Variants in FTSJ3 observed in about 807,000 individuals in gnomAD.
FTSJ3 encodes FtsJ RNA 2'-O-methyltransferase 3.
FTSJ3 carries 46 observed loss-of-function variants against 111.5 expected under a neutral mutation model. The observed-to-expected ratio is 0.41, with a 90% CI of 0.33 to 0.53. The LOEUF (loss-of-function observed/expected upper bound fraction) is 0.53. Among genes scored for constraint, FTSJ3 ranks in the 20% least tolerant of loss-of-function variants. The probability of loss-of-function intolerance (pLI) is 0.19; values close to 1 mark genes in which losing one functional copy is unlikely to be tolerated. For synonymous variants in FTSJ3, 408 were observed against 383.0 expected, an observed-to-expected ratio of 1.07 and a Z score of -0.76; for missense variants, 1,075 against 1,063.8, an observed-to-expected ratio of 1.01 and a Z score of -0.15.
rs776540592 is a variant in FTSJ3 at position 63,821,726 on chromosome 17, T to C, written c.1593A>G (p.Ser531=). 2 of 1,614,204 alleles carry C rather than the reference T, an allele frequency of 1.2e-6. No individual in the cohort carries two copies. The highest frequency in any genetic ancestry group is 1.7e-6 in the Non-Finnish European group (2 of 1,180,026). Residue 531 remains serine, a synonymous_variant, in exon 15 of 21, where the codon TCA becomes TCG. Coordinates refer to ENST00000427159, the MANE Select transcript of FTSJ3 (RefSeq NM_017647.4). ...LQEEQANLWF[S]KGSFAGIEDD... is the part of the protein sequence containing the mutation. Reference sequence around the variant, plus strand: ...CTTGCCCCCGGCCTCTCCTTACCTTTGAGAACCACAGGTTGGCTTGTTCTT... The same window carrying C: ...CTTGCCCCCGGCCTCTCCTTACCTTCGAGAACCACAGGTTGGCTTGTTCTT...
rs2040053621 is a variant in FTSJ3, at chr17:63,821,704, G to A, written c.1596+19C>T. 1 of 1,614,160 alleles carries A rather than the reference G, an allele frequency of 6.2e-7. No individual in the cohort carries two copies. Among genetic ancestry groups the A allele is most frequent in the South Asian group, 1.1e-5 (1 of 91,072 alleles). ...GGAAGACTCATCTCCCCGCAGTCTT[G>A]CCCCCGGCCTCTCCTTACCTTTGAG... On this transcript the variant is annotated intron_variant, in intron 15 of 20. Transcript: ENST00000427159.
chr17:63,826,883 A>C lies in FTSJ3; in HGVS notation c.20T>G (p.Val7Gly), dbSNP rs747198647. ...AAACTTGTCTCGTCGGCTCTTGCCA[A>C]CTTTGCCCTTCTTGCCCATGGTGGA... MGKKGK[V>G]GKSRRDKFYH... Residue 7 changes from valine to glycine, a missense_variant, in exon 2 of 21, where the codon GTT becomes GGT. Physicochemically the swap from Val to Gly is moderately radical, Grantham distance 109. Coordinates refer to ENST00000427159, the MANE Select transcript of FTSJ3 (RefSeq NM_017647.4). The C allele has an allele frequency of 1.2e-6, 2 of 1,614,122 alleles. No homozygotes were observed. Among genetic ancestry groups the C allele is most frequent in the Admixed American group, 3.3e-5 (2 of 60,026 alleles).
intron 3 of FTSJ3, 110 bp from the exon 4 acceptor site, chr17:63,826,414 C>T (rs2040104788): frequency 1.7e-6 from 2 of 1,209,500 alleles, no homozygotes; most frequent in Admixed American, 1.7e-5. Flanking sequence ...ATCATAGGCA[C>T]GTATTCCAAG....
intron 11 of FTSJ3, 26 bp downstream of exon 11, chr17:63,824,305 C>G: frequency 6.2e-7 from 1 of 1,614,130 alleles, no homozygotes; most frequent in East Asian, 2.2e-5. Context: ...CCAGTCCACA[C>G]CTGCCTCGCT....
In FTSJ3 at chr17:63,826,711, T is replaced by A. The variant is rs376984081; in HGVS notation, c.68-39A>T. 5 of 1,578,324 alleles carry A rather than the reference T, an allele frequency of 3.2e-6. No homozygotes were observed. The African/African-American group carries it at 6.7e-5, about 21-fold the overall frequency. On this transcript the variant is annotated intron_variant, in intron 2 of 20. Transcript: ENST00000427159. ...CCAAGTGCGCAAACTGCTTCACTAG[T>A]AGGATTTCTCCGGCCTCGCAACCGA... is the stretch of plus-strand genomic sequence containing the variant.
Position 63,827,466 on chromosome 17 carries a change from C to T in FTSJ3, c.-441G>A, listed in dbSNP as rs971779622. ...TTGCGCGCCAAGACGGCTCGGATGC[C>T]GGCGGTCTCTGCTGAAGAGAGAAGA... On this transcript the variant is annotated 5_prime_UTR_variant, in exon 1 of 21. Transcript: ENST00000427159. 1.3e-5 allele frequency: 20 copies of T among 1,551,712 alleles called. No individual in the cohort carries two copies. The highest frequency in any genetic ancestry group is 2.4e-5 in the South Asian group (2 of 84,060).
At position 63,827,609 on chromosome 17, in the gene FTSJ3, G is replaced by A; in HGVS notation, c.-584C>T. 8.4e-6 allele frequency: 13 copies of A among 1,549,330 alleles called. No homozygotes were observed. Among genetic ancestry groups the A allele is most frequent in the Non-Finnish European group, 1.0e-5 (12 of 1,146,022 alleles). ...GAGCGGGCCGGGGCAGGAGCGTCGG[G>A]TGGGTCGGAGGTGCCTGGACCAGTC... On this transcript the variant is annotated 5_prime_UTR_variant, in exon 1 of 21. Coordinates refer to ENST00000427159, the MANE Select transcript of FTSJ3 (RefSeq NM_017647.4).
rs748135016 is a variant in FTSJ3 at position 63,820,405 on chromosome 17, C to T, written c.2106G>A (p.Pro702=). ...YTFNEDEGEL[P]EWFVQEEKQH... ...GCTTTTCCTCTTGCACAAACCACTC[C>T]GGAAGCTCCCCCTCATCCTCATTAA... The change falls in exon 19 of 21, where the codon CCG becomes CCA. Residue 702 remains proline (P), a synonymous_variant. Transcript: ENST00000427159. The T allele has an allele frequency of 2.5e-6, 4 of 1,614,006 alleles. No homozygotes were observed. The highest frequency in any genetic ancestry group is 2.2e-5 in the East Asian group (1 of 44,884).
In FTSJ3 at chr17:63,820,397, A is replaced by G. The variant is rs1184871415; in HGVS notation, c.2114T>C (p.Phe705Ser). ...NEDEGELPEW[F>S]VQEEKQHRIR... Reference sequence around the variant, plus strand: ...CCGGTGCTGCTTTTCCTCTTGCACAAACCACTCCGGAAGCTCCCCCTCATC... The same window carrying G: ...CCGGTGCTGCTTTTCCTCTTGCACAGACCACTCCGGAAGCTCCCCCTCATC... The change falls in exon 19 of 21, where the codon TTT becomes TCT. Residue 705 changes from phenylalanine (F) to serine (S), a missense_variant. Around this residue, in one of 2 missense-constraint regions of FTSJ3, gnomAD observed 867 missense variants for 796.9 expected, o/e 1.09. Coordinates refer to ENST00000427159, the MANE Select transcript of FTSJ3 (RefSeq NM_017647.4). 5 of 1,613,962 alleles carry G rather than the reference A, an allele frequency of 3.1e-6. No homozygotes were observed. Among genetic ancestry groups the G allele is most frequent in the Admixed American group, 3.3e-5 (2 of 59,972 alleles).
chr17:63,820,127 A>C lies in FTSJ3; in HGVS notation c.2303T>G (p.Val768Gly), dbSNP rs755085080. ...EQTRKKAEAV[V>G]NTVDISEREK... ...TCGTTCTGAGATGTCCACTGTGTTC[A>C]CCACGGCTTCTGCCTTCTTCCTGGT... The change falls in exon 20 of 21, where the codon GTG (valine) becomes GGG (glycine). Residue 768 changes from valine (V) to glycine (G), a missense_variant. Val to Gly is a moderately radical substitution (Grantham distance 109, BLOSUM62 -3). Around this residue, in one of 2 missense-constraint regions of FTSJ3, gnomAD observed 867 missense variants for 796.9 expected, o/e 1.09. Transcript: ENST00000427159. The C allele has an allele frequency of 6.2e-7, 1 of 1,613,940 alleles. No homozygotes were observed. Among genetic ancestry groups the C allele is most frequent in the Admixed American group, 1.7e-5 (1 of 60,000 alleles).
At position 63,821,019 on chromosome 17, in the gene FTSJ3, A is replaced by G. The variant is rs778150298; in HGVS notation, c.1972+11T>C. ...GGTCTTTTCTCATTCCACTGCATAC[A>G]GAGCTCTCACCTGGGTCCTCAATAG... On this transcript the variant is annotated intron_variant, in intron 17 of 20. Coordinates refer to ENST00000427159, the MANE Select transcript of FTSJ3 (RefSeq NM_017647.4). 1 of 1,613,622 alleles carries G rather than the reference A, an allele frequency of 6.2e-7. No individual in the cohort carries two copies. Among genetic ancestry groups the G allele is most frequent in the South Asian group, 1.1e-5 (1 of 91,076 alleles).
intron 7 of FTSJ3, 38 bp downstream of exon 7, chr17:63,825,204 T>C (rs1449562543): frequency 1.2e-6 from 2 of 1,613,400 alleles, no homozygotes; most frequent in Non-Finnish European, 1.7e-6. Flanking sequence ...GCTTTGGGAG[T>C]TGGGAGCCTG....
chr17:63,821,600 TCCAGGGCCTCATCGGCATCGTCCTCGATC>T lies in FTSJ3; in HGVS notation c.1611_1639del (p.Ile538AspfsTer9). The T allele has an allele frequency of 6.2e-7, 1 of 1,613,756 alleles. No individual in the cohort carries two copies. The highest frequency in any genetic ancestry group is 8.5e-7 in the Non-Finnish European group (1 of 1,179,694). ...AAATAACAGCTGGGCCTGACTGATC[TCCAGGGCCTCATCGGCATCGTCCTCGATC>T]CCAGCAAAGCTGCCCTGTGATAGGA... On this transcript the variant is annotated frameshift_variant, in exon 16 of 21. Coordinates refer to ENST00000427159, the MANE Select transcript of FTSJ3 (RefSeq NM_017647.4). LOFTEE classifies it high-confidence loss of function.
chr17:63,823,324 G>A (rs1482780830), intron 13 of FTSJ3, among the ~76,000 whole-genome samples: 1 of 152,146 alleles, frequency 6.6e-6, no homozygotes, highest in Non-Finnish European at 1.5e-5. Flanking sequence ...AGCCGGGCGC[G>A]GTGGCTCACG....
At position 63,820,259 on chromosome 17, in the gene FTSJ3, C is replaced by T. The variant is rs1431923655; in HGVS notation, c.2252G>A (p.Arg751Lys). 1.2e-6 allele frequency: 2 copies of T among 1,612,600 alleles called. No individual in the cohort carries two copies. Among genetic ancestry groups the T allele is most frequent in the Non-Finnish European group, 1.7e-6 (2 of 1,179,556 alleles). ...KVAEAKARKK[R>K]RMLKRLEQTR... The stretch of plus-strand genomic sequence containing the variant: ...TCTGGAGGCCCCATCACTTACCCTC[C>T]TTTTCTTTCTAGCCTTAGCCTCAGC... The change falls in exon 19 of 21, where the codon AGG (arginine) becomes AAG (lysine). Residue 751 changes from arginine to lysine, a missense_variant. Physicochemically the swap from Arg to Lys is conservative, Grantham distance 26 (BLOSUM62 2). Transcript: ENST00000427159.
chr17:63,825,803 TAC>T (rs1690416942), intron 5 of FTSJ3, 168 bp from the exon 6 acceptor site: 1 of 651,758 alleles, frequency 1.5e-6, no homozygotes, highest in South Asian at 1.9e-5. Context: ...TCATGGAGAT[TAC>T]AGTCTGACAC....
chr17:63,823,754 C>A (rs1188138996), intron 13 of FTSJ3, 63 bp downstream of exon 13: 1 of 1,565,822 alleles, frequency 6.4e-7, no homozygotes, highest in Non-Finnish European at 8.7e-7. Flanking sequence ...CAACACCCCC[C>A]ACCTCCAAAC....
At position 63,821,661 on chromosome 17, in the gene FTSJ3, C is replaced by T; in HGVS notation, c.1597-18G>A. On this transcript the variant is annotated intron_variant, in intron 15 of 20. Transcript: ENST00000427159. Reference sequence around the variant, plus strand: ...AAGCTGCCCTGTGATAGGAGAACATCAGCTGCCCTTCTCCCAAGGAAGACT... The same window carrying T: ...AAGCTGCCCTGTGATAGGAGAACATTAGCTGCCCTTCTCCCAAGGAAGACT... 1.9e-6 allele frequency: 3 copies of T among 1,613,610 alleles called. No individual in the cohort carries two copies. The highest frequency in any genetic ancestry group is 1.1e-5 in the South Asian group (1 of 91,038).
In FTSJ3 at chr17:63,820,114, G is replaced by A. The variant is rs1598348041; in HGVS notation, c.2316C>T (p.Asp772=). Residue 772 remains aspartate, a synonymous_variant, in exon 20 of 21, where the codon GAC becomes GAT. Coordinates refer to ENST00000427159, the MANE Select transcript of FTSJ3 (RefSeq NM_017647.4). ...KKAEAVVNTV[D]ISEREKVAQL... is the part of the protein sequence containing the mutation. ...GTGCCACTTTCTCTCGTTCTGAGAT[G>A]TCCACTGTGTTCACCACGGCTTCTG... 2.5e-6 allele frequency: 4 copies of A among 1,614,096 alleles called. No homozygotes were observed. Among genetic ancestry groups the A allele is most frequent in the Non-Finnish European group, 3.4e-6 (4 of 1,180,028 alleles).
Sources: gnomAD v4.1 joint callset for allele counts (sites outside exome capture counted in the v4.1 genomes callset) on GRCh38, gnomAD v4.1.1 for gene constraint, gnomAD v4.1.1 regional missense constraint, MANE v1.5 for transcripts, NCBI Gene and HGNC (gene_info 2026-07-23, HGNC 2026-07-21) for gene names.